The following DYM variants were observed in gnomAD, a reference collection of about 807,000 sequenced individuals.
DYM encodes dyggve-Melchior-Clausen syndrome protein.
A neutral mutation model predicts 93.1 loss-of-function variants in DYM; 78 were observed. That is an observed-to-expected ratio of 0.84 (90% CI 0.70 to 1.01). The LOEUF is 1.01. Among genes scored for constraint, DYM ranks in the 50% least tolerant of loss-of-function variants. DYM has a pLI of 0.00. For missense variants in DYM, 789 were observed against 845.0 expected (o/e 0.93, Z 0.82); for synonymous variants, 321 against 319.7 (o/e 1.00, Z -0.04).
chr18:49,221,516 A>G (rs1395612660), intron 13 of DYM, among the ~76,000 whole-genome samples: 1 of 152,180 alleles, frequency 6.6e-6, no homozygotes, highest in Non-Finnish European at 1.5e-5. Context: ...CAAATGTCCA[A>G]CAATGATAGA....
chr18:49,065,679 C>T (rs187614212), intron 17 of DYM, among the ~76,000 whole-genome samples: 1 of 151,586 alleles, frequency 6.6e-6, no homozygotes, highest in Non-Finnish European at 1.5e-5. Context: ...TTTTTTTTAA[C>T]TACATGCTTG....
intron 3 of DYM, among the ~76,000 whole-genome samples, chr18:49,385,375 G>C (rs917674301): frequency 6.6e-6 from 1 of 152,114 alleles, no homozygotes; most frequent in Non-Finnish European, 1.5e-5. Flanking sequence ...AGGACCAATG[G>C]ACGTCTTATT....
intron 15 of DYM, among the ~76,000 whole-genome samples, chr18:49,162,271 T>A (rs1355243243): frequency 6.6e-6 from 1 of 152,166 alleles, no homozygotes. Flanking sequence ...TACCTGAAAC[T>A]AGGTAATTTA....
At chr18:49,375,308 C>T (rs2067405276) in intron 5 of DYM, among the ~76,000 whole-genome samples, 1 of 150,452 alleles carries the variant, frequency 6.6e-6, no homozygotes. Flanking sequence ...TGTATATATA[C>T]ACACACACAT....
At chr18:49,167,139 G>C (rs996567504) in intron 14 of DYM, among the ~76,000 whole-genome samples, 3 of 151,822 alleles carry the variant, frequency 2.0e-5, no homozygotes, top group African/African-American at 7.3e-5. Flanking sequence ...CTAGGGACCA[G>C]AGCAAAAAAC....
At chr18:49,222,901 C>T (rs990184045) in intron 13 of DYM, among the ~76,000 whole-genome samples, 4 of 152,076 alleles carry the variant, frequency 2.6e-5, no homozygotes, top group Non-Finnish European at 5.9e-5. Context: ...ATGAAAGTCA[C>T]ATGAAAGAAT....
rs141754536 is a variant in DYM at position 49,396,018 on chromosome 18, G to A, written c.141-4373C>T. On this transcript the variant is annotated intron_variant, in intron 2 of 17. Transcript: ENST00000675505. ...CCATTAGTACTGGTTGTGAAAAAGA[G>A]CCTGGCACCTCCCCGCCCCATTGCA... Among the ~76,000 whole-genome samples the A allele has an allele frequency of 5.0e-3, 754 of 152,180 alleles. 2 individuals are homozygous for A. Among genetic ancestry groups the A allele is most frequent in the Middle Eastern group, 0.01 (3 of 294 alleles).
At chr18:49,144,367 T>C (rs150966376) in intron 15 of DYM, among the ~76,000 whole-genome samples, 1 of 152,192 alleles carries the variant, frequency 6.6e-6, no homozygotes, top group East Asian at 1.9e-4. Flanking sequence ...AGGAGAAACA[T>C]AATCTATGGT....
At chr18:49,093,910 A>G (rs930590331) in intron 17 of DYM, among the ~76,000 whole-genome samples, 2 of 152,226 alleles carry the variant, frequency 1.3e-5, no homozygotes, top group African/African-American at 4.8e-5. Context: ...AACAACCATG[A>G]AAGTATTCTA....
chr18:49,355,198 T>C (rs931805952), intron 6 of DYM, among the ~76,000 whole-genome samples: 5 of 152,012 alleles, frequency 3.3e-5, no homozygotes, highest in African/African-American at 1.2e-4. Context: ...ATAGATACAA[T>C]TGATACACTG....
chr18:49,178,950 A>T (rs1171147546), intron 14 of DYM, among the ~76,000 whole-genome samples: 1 of 152,058 alleles, frequency 6.6e-6, no homozygotes, highest in East Asian at 1.9e-4. Flanking sequence ...ACATAAATTC[A>T]TGCTTCGTGC....
intron 6 of DYM, among the ~76,000 whole-genome samples, chr18:49,334,595 C>T (rs2063534808): frequency 6.6e-6 from 1 of 151,932 alleles, no homozygotes; most frequent in Admixed American, 6.6e-5. Context: ...ATGTTAAGAC[C>T]AAGGAAGTAG....
intron 8 of DYM, among the ~76,000 whole-genome samples, chr18:49,312,558 C>T (rs1568226086): frequency 6.6e-6 from 1 of 152,222 alleles, no homozygotes; most frequent in Non-Finnish European, 1.5e-5. Flanking sequence ...GAAGCATCCC[C>T]TATGCATCCC....
intron 1 of DYM, among the ~76,000 whole-genome samples, chr18:49,437,823 T>G (rs2080994660): frequency 1.3e-5 from 2 of 152,208 alleles, no homozygotes; most frequent in African/African-American, 4.8e-5. Context: ...AATAAGACCA[T>G]TACCTGCTCA....
intron 17 of DYM, among the ~76,000 whole-genome samples, chr18:49,066,350 T>C (rs2076387021): frequency 1.3e-5 from 2 of 152,216 alleles, no homozygotes; most frequent in South Asian, 4.1e-4. Flanking sequence ...CTGTGAATTT[T>C]ATGTTAATGG....
chr18:49,102,422 CTTTTT>C (rs893007065), intron 16 of DYM, among the ~76,000 whole-genome samples: 5 of 151,880 alleles, frequency 3.3e-5, no homozygotes, highest in Middle Eastern at 3.4e-3. Flanking sequence ...TATCTTATTT[CTTTTT>C]TTTAATACTT....
chr18:49,328,127 G>A (rs1295795562), intron 8 of DYM, among the ~76,000 whole-genome samples: 1 of 152,142 alleles, frequency 6.6e-6, no homozygotes, highest in East Asian at 1.9e-4. Context: ...TGATAGATGA[G>A]CCTATTATGA....
chr18:49,267,606 A>G (rs2094592088), intron 11 of DYM, among the ~76,000 whole-genome samples: 1 of 152,172 alleles, frequency 6.6e-6, no homozygotes, highest in Non-Finnish European at 1.5e-5. Flanking sequence ...AAAAGTATCA[A>G]TGTCAGGCTG....
At chr18:49,218,909 G>A (rs1245227152) in intron 13 of DYM, among the ~76,000 whole-genome samples, 1 of 151,990 alleles carries the variant, frequency 6.6e-6, no homozygotes, top group East Asian at 1.9e-4. Context: ...TAAAATCAGA[G>A]CAGAACTGAA....
Sources: allele counts gnomAD v4.1 joint callset (sites outside exome capture counted in the v4.1 genomes callset), GRCh38; gene constraint gnomAD v4.1.1; transcripts MANE v1.5; gene names NCBI Gene and HGNC (gene_info 2026-07-23, HGNC 2026-07-21).